The following ADGRL2 variants were observed in gnomAD, a reference collection of about 807,000 sequenced individuals.
The protein encoded by ADGRL2 is calcium-independent alpha-latrotoxin receptor 2.
In ADGRL2, 44 loss-of-function variants were observed where a neutral mutation model predicts 157.4. The observed-to-expected ratio is 0.28, with a 90% CI of 0.22 to 0.36. The LOEUF (loss-of-function observed/expected upper bound fraction) is 0.36. Ranked by LOEUF, ADGRL2 falls within the 10% of genes least tolerant of loss-of-function variation. The pLI is 1.00. For synonymous variants in ADGRL2, 585 were observed against 624.7 expected (o/e 0.94, Z 0.95); for missense variants, 1,510 against 1,768.9 (o/e 0.85, Z 2.63).
chr1:81,405,730 G>T (rs892510716), intron 1 of ADGRL2, among the ~76,000 whole-genome samples: 1 of 151,358 alleles, frequency 6.6e-6, no homozygotes, highest in African/African-American at 2.4e-5. Context: ...TTTTCATAAG[G>T]CCTCTTATTT....
At chr1:81,427,804 A>C (rs2077246125) in intron 1 of ADGRL2, among the ~76,000 whole-genome samples, 1 of 152,202 alleles carries the variant, frequency 6.6e-6, no homozygotes, top group African/African-American at 2.4e-5. Flanking sequence ...GGACTGCCAT[A>C]GCCATAGTTT....
chr1:81,578,451 G>A (rs2080840224), intron 2 of ADGRL2, among the ~76,000 whole-genome samples: 1 of 152,028 alleles, frequency 6.6e-6, no homozygotes, highest in Admixed American at 6.6e-5. Context: ...TGAACAGAGG[G>A]TGGTTGTAAT....
chr1:81,529,362 A>G (rs758471313), intron 2 of ADGRL2, among the ~76,000 whole-genome samples: 23 of 152,220 alleles, frequency 1.5e-4, no homozygotes, highest in Non-Finnish European at 2.8e-4. Context: ...AGGGGCCAGG[A>G]GAATAGGATA....
chr1:81,591,525 A>G lies in ADGRL2; in HGVS notation c.-143+10545A>G, dbSNP rs183558653. Among the ~76,000 whole-genome samples, 456 of 152,312 alleles carry G rather than the reference A, an allele frequency of 3.0e-3. 2 individuals carry two copies. The highest frequency in any genetic ancestry group is 0.021 in the South Asian group (103 of 4,830). ...CTTTAAATGCCAAATAATAGAACTGAGTCTGTGTATTAAGCAGACTCTAAG... is the reference window on the plus strand; with the variant it reads ...CTTTAAATGCCAAATAATAGAACTGGGTCTGTGTATTAAGCAGACTCTAAG... On this transcript the variant is annotated intron_variant, in intron 3 of 24. Transcript: ENST00000370721.
At chr1:81,620,766 A>G (rs1485411024) in intron 3 of ADGRL2, among the ~76,000 whole-genome samples, 3 of 152,256 alleles carry the variant, frequency 2.0e-5, no homozygotes, top group Non-Finnish European at 2.9e-5. Context: ...ACTCAAAAAC[A>G]TACTAACCTG....
chr1:81,746,910 G>A (rs1307745876), intron 1 of ADGRL2, among the ~76,000 whole-genome samples: 9 of 125,776 alleles, frequency 7.2e-5, no homozygotes, highest in South Asian at 2.4e-4. Context: ...ATACACACGT[G>A]CACACGTATA....
chr1:81,739,493 CAG>C (rs1264453352), intron 1 of ADGRL2, among the ~76,000 whole-genome samples: 17 of 152,160 alleles, frequency 1.1e-4, no homozygotes, highest in Admixed American at 2.0e-4. Context: ...CTGGAGCAGG[CAG>C]AGAGAGCCAA....
intron 3 of ADGRL2, among the ~76,000 whole-genome samples, chr1:81,919,373 T>A (rs2094929415): frequency 6.6e-6 from 1 of 152,088 alleles, no homozygotes; most frequent in Admixed American, 6.5e-5. Flanking sequence ...TAAATTTCAC[T>A]AATATACTTT....
At chr1:81,919,948 A>C (rs1301759276) in intron 3 of ADGRL2, among the ~76,000 whole-genome samples, 1 of 152,170 alleles carries the variant, frequency 6.6e-6, no homozygotes, top group Admixed American at 6.6e-5. Context: ...TGAATATGAA[A>C]TGTAACCAAG....
At chr1:81,738,376 T>G (rs1357755935) in intron 1 of ADGRL2, among the ~76,000 whole-genome samples, 1 of 150,918 alleles carries the variant, frequency 6.6e-6, no homozygotes, top group African/African-American at 2.4e-5. Flanking sequence ...ATTGCTCCAG[T>G]GCAGGGACAG....
chr1:81,879,983 T>C (rs746038436), intron 2 of ADGRL2, among the ~76,000 whole-genome samples: 17 of 152,200 alleles, frequency 1.1e-4, no homozygotes, highest in Non-Finnish European at 4.4e-5. Context: ...GCCAAGATCT[T>C]GTCACTGTGC....
At chr1:81,763,782 G>A (rs906292099) in intron 2 of ADGRL2, among the ~76,000 whole-genome samples, 6 of 151,954 alleles carry the variant, frequency 3.9e-5, no homozygotes, top group Non-Finnish European at 8.8e-5. Context: ...GGAGGCGGGC[G>A]GATTACCTGA....
At chr1:81,508,565 C>T (rs886515216) in intron 2 of ADGRL2, among the ~76,000 whole-genome samples, 2 of 152,166 alleles carry the variant, frequency 1.3e-5, no homozygotes, top group Non-Finnish European at 2.9e-5. Flanking sequence ...TCCCATTAGA[C>T]TTCACTAACA....
At chr1:81,321,235 G>T (rs571966821) in intron 1 of ADGRL2, among the ~76,000 whole-genome samples, 2 of 152,124 alleles carry the variant, frequency 1.3e-5, no homozygotes, top group Non-Finnish European at 2.9e-5. Context: ...TTTACTTAGG[G>T]CAATTTGGAG....
intron 1 of ADGRL2, among the ~76,000 whole-genome samples, chr1:81,419,989 A>G (rs2077097517): frequency 6.6e-6 from 1 of 152,226 alleles, no homozygotes; most frequent in Admixed American, 6.5e-5. Context: ...GTTGTCCAGC[A>G]AGCTTGTAAT....
chr1:81,392,536 T>A (rs1218071949), intron 1 of ADGRL2, among the ~76,000 whole-genome samples: 3 of 152,092 alleles, frequency 2.0e-5, no homozygotes, highest in Non-Finnish European at 2.9e-5. Context: ...ATTAGTCTAA[T>A]CCTACATCCT....
At chr1:81,424,828 G>A (rs1438253537) in intron 1 of ADGRL2, among the ~76,000 whole-genome samples, 1 of 152,134 alleles carries the variant, frequency 6.6e-6, no homozygotes, top group Non-Finnish European at 1.5e-5. Flanking sequence ...CATAGCAGTT[G>A]CAAGGGTATT....
intron 2 of ADGRL2, among the ~76,000 whole-genome samples, chr1:81,853,944 T>G (rs1424323335): frequency 6.6e-6 from 1 of 152,144 alleles, no homozygotes; most frequent in African/African-American, 2.4e-5. Flanking sequence ...TTCTTGAAAT[T>G]TAATAAGTTG....
chr1:81,882,819 A>G (rs1009612604), intron 2 of ADGRL2, among the ~76,000 whole-genome samples: 3 of 152,190 alleles, frequency 2.0e-5, no homozygotes, highest in African/African-American at 4.8e-5. Flanking sequence ...CTATTTGAAC[A>G]GAATCTTATT....
Sources: gnomAD v4.1 joint callset for allele counts (sites outside exome capture counted in the v4.1 genomes callset) on GRCh38, gnomAD v4.1.1 for gene constraint, MANE v1.5 for transcripts, NCBI Gene and HGNC (gene_info 2026-07-23, HGNC 2026-07-21) for gene names.